The following FAM174B variants were observed in gnomAD, a reference collection of about 807,000 sequenced individuals.
FAM174B encodes membrane protein FAM174B.
A neutral mutation model predicts 10.9 loss-of-function variants in FAM174B; 12 were observed. The observed-to-expected ratio is 1.10, with a 90% CI of 0.71 to 1.79. The LOEUF (loss-of-function observed/expected upper bound fraction) is 1.79. FAM174B is among the 40% of genes most tolerant of loss of function. The probability of loss-of-function intolerance (pLI) is 0.00; values close to 1 mark genes in which losing one functional copy is unlikely to be tolerated. For missense variants in FAM174B, 266 were observed against 233.3 expected (o/e 1.14, Z -0.91); for synonymous variants, 132 against 115.8 (o/e 1.14, Z -0.90).
At chr15:92,636,750 G>T (rs576674590) in intron 1 of FAM174B, among the ~76,000 whole-genome samples, 1 of 152,162 alleles carries the variant, frequency 6.6e-6, no homozygotes, top group Non-Finnish European at 1.5e-5. Flanking sequence ...CCAACAGGTC[G>T]CCTTGAGTCA....
chr15:92,619,861 G>C (rs1451361437), intron 2 of FAM174B: 1 of 224,832 alleles, frequency 4.4e-6, no homozygotes, highest in African/African-American at 2.3e-5. Context: ...CTGTTGGGGT[G>C]GAACAGCAGC....
chr15:92,646,298 T>C (rs437661), intron 1 of FAM174B, among the ~76,000 whole-genome samples: 59,593 of 151,994 alleles, frequency 0.39, 12,573 homozygotes, highest in African/African-American at 0.55. Context: ...ACTACAAATC[T>C]CCTAGTCCTC....
Position 92,655,640 on chromosome 15 carries a change from G to T in FAM174B, c.20C>A (p.Pro7His). Reference sequence around the variant, plus strand: ...CAGCAGCAGCGGCAGGAGCGGGGCGGGCAGCGGCACGGCGCGCATAGTGCG... The same window carrying T: ...CAGCAGCAGCGGCAGGAGCGGGGCGTGCAGCGGCACGGCGCGCATAGTGCG... MRAVPL[P>H]APLLPLLLLA... Residue 7 changes from proline (P) to histidine (H), a missense_variant, in exon 1 of 3, where the codon CCC (proline) becomes CAC (histidine). Coordinates refer to ENST00000327355, the MANE Select transcript of FAM174B (RefSeq NM_207446.3). 1 of 1,256,244 alleles carries T rather than the reference G, an allele frequency of 8.0e-7. No homozygotes were observed. 77.8% of individuals were successfully genotyped at this position (1,256,244 alleles called of 1,614,324 possible).
At chr15:92,649,813 C>G (rs528805067) in intron 1 of FAM174B, among the ~76,000 whole-genome samples, 16 of 152,330 alleles carry the variant, frequency 1.1e-4, no homozygotes, top group African/African-American at 3.6e-4. Context: ...TCTCTACTCT[C>G]TTTTTTAAAG....
At chr15:92,652,175 A>C (rs1296595701) in intron 1 of FAM174B, among the ~76,000 whole-genome samples, 2 of 152,226 alleles carry the variant, frequency 1.3e-5, no homozygotes, top group African/African-American at 4.8e-5. Flanking sequence ...TATTAGGGAA[A>C]CACAGAAGAT....
At chr15:92,637,309 C>T (rs370369090) in intron 1 of FAM174B, among the ~76,000 whole-genome samples, 4 of 152,184 alleles carry the variant, frequency 2.6e-5, no homozygotes, top group Non-Finnish European at 5.9e-5. Flanking sequence ...CATCTAGAAA[C>T]AGAAAGTAAA....
At chr15:92,649,785 C>T (rs921423997) in intron 1 of FAM174B, among the ~76,000 whole-genome samples, 55 of 152,316 alleles carry the variant, frequency 3.6e-4, no homozygotes, top group East Asian at 3.9e-4. Flanking sequence ...CACCAGGAGG[C>T]AAAATCCTTC....
chr15:92,635,135 TC>T (rs1158029072), intron 1 of FAM174B, among the ~76,000 whole-genome samples: 2 of 133,004 alleles, frequency 1.5e-5, no homozygotes, highest in Non-Finnish European at 3.2e-5. Context: ...TCTCTCTCTC[TC>T]CTCTCTTTCG....
rs1225134872 is a variant in FAM174B, at chr15:92,620,857, T to C, written c.477-1398A>G. 2.9e-5 allele frequency among the ~76,000 whole-genome samples: 4 copies of C among 139,158 alleles called. No individual in the cohort carries two copies. The East Asian group carries it at 9.0e-4, about 31-fold the overall frequency. 91.3% of individuals were successfully genotyped at this position (139,158 alleles called of 152,430 possible). Reference sequence around the variant, plus strand: ...AAAAAAACTGACTCTGCTCAAGACATCATCTAAAGGGACTTAGAAAAGGAG... The same window carrying C: ...AAAAAAACTGACTCTGCTCAAGACACCATCTAAAGGGACTTAGAAAAGGAG... On this transcript the variant is annotated intron_variant, in intron 2 of 2. Transcript: ENST00000327355.
rs1388448441 is a variant in FAM174B, at chr15:92,620,772, G to A, written c.477-1313C>T. The stretch of plus-strand genomic sequence containing the variant: ...AGAGGTTGCAGTGAGCTGAGATGGC[G>A]CCACTGCACTCCAGCCTGGATGACA... On this transcript the variant is annotated intron_variant, in intron 2 of 2. Transcript: ENST00000327355. 7.6e-5 allele frequency among the ~76,000 whole-genome samples: 9 copies of A among 119,138 alleles called. 1 individual carries two copies. The highest frequency in any genetic ancestry group is 0.014 in the Middle Eastern group (2 of 142). 78.2% of individuals were successfully genotyped at this position (119,138 alleles called of 152,430 possible). A position where few individuals can be genotyped will look rare whatever the true frequency, so the allele number is the denominator to read the frequency against.
intron 1 of FAM174B, among the ~76,000 whole-genome samples, chr15:92,642,871 T>C (rs1020027275): frequency 2.0e-5 from 3 of 152,136 alleles, no homozygotes; most frequent in Admixed American, 6.5e-5. Context: ...AAATGACACA[T>C]GCCACACATA....
chr15:92,635,457 G>A (rs2050849366), intron 1 of FAM174B, among the ~76,000 whole-genome samples: 2 of 152,094 alleles, frequency 1.3e-5, no homozygotes, highest in African/African-American at 4.8e-5. Context: ...GTGGTGCACC[G>A]GCTGTGTTGA....
At chr15:92,626,729 A>G (rs572447048) in intron 2 of FAM174B, among the ~76,000 whole-genome samples, 1 of 152,268 alleles carries the variant, frequency 6.6e-6, no homozygotes, top group South Asian at 2.1e-4. Context: ...AAGGTGCTTC[A>G]GGGAGCTAAC....
chr15:92,643,656 C>G (rs1272569140), intron 1 of FAM174B, among the ~76,000 whole-genome samples: 1 of 152,168 alleles, frequency 6.6e-6, no homozygotes. Flanking sequence ...GGAGACCCTT[C>G]TCCCAGGGCC....
At chr15:92,624,210 T>A (rs542111678) in intron 2 of FAM174B, among the ~76,000 whole-genome samples, 6 of 152,322 alleles carry the variant, frequency 3.9e-5, no homozygotes, top group Non-Finnish European at 7.3e-5. Flanking sequence ...TTCACACTGG[T>A]CTGGGGATGG....
chr15:92,621,546 G>C (rs796340014), intron 2 of FAM174B, among the ~76,000 whole-genome samples: 59 of 151,530 alleles, frequency 3.9e-4, no homozygotes, highest in African/African-American at 1.4e-3. Flanking sequence ...GGGAAGTTGA[G>C]GCTACATTGA....
At chr15:92,631,852 A>G (rs986443703) in intron 1 of FAM174B, among the ~76,000 whole-genome samples, 1 of 151,936 alleles carries the variant, frequency 6.6e-6, no homozygotes, top group African/African-American at 2.4e-5. Flanking sequence ...AGCCCCAAAG[A>G]TCAAGATGTC....
chr15:92,651,986 C>A (rs2050969447), intron 1 of FAM174B, among the ~76,000 whole-genome samples: 1 of 152,212 alleles, frequency 6.6e-6, no homozygotes. Flanking sequence ...ATCATACTTA[C>A]TACACTCTCC....
In FAM174B at chr15:92,655,467, T is replaced by C. The variant is rs764264821; in HGVS notation, c.193A>G (p.Ser65Gly). The change falls in exon 1 of 3, where the codon AGC becomes GGC. Residue 65 changes from serine to glycine, a missense_variant. Ser to Gly is a moderately conservative substitution (Grantham distance 56). Coordinates refer to ENST00000327355, the MANE Select transcript of FAM174B (RefSeq NM_207446.3). ...TRFGSGAAGG[S>G]GSSSSNSSGD... ...CTGCTGTTGGAGCTGGAGCTGCCGCTGCCGCCCGCCGCCCCAGACCCAAAC... is the reference window on the plus strand; with the variant it reads ...CTGCTGTTGGAGCTGGAGCTGCCGCCGCCGCCCGCCGCCCCAGACCCAAAC... The C allele has an allele frequency of 3.2e-6, 5 of 1,556,512 alleles. No individual in the cohort carries two copies. Among genetic ancestry groups the C allele is most frequent in the South Asian group, 2.4e-5 (2 of 84,144 alleles).
Sources: allele counts gnomAD v4.1 joint callset (sites outside exome capture counted in the v4.1 genomes callset), GRCh38; gene constraint gnomAD v4.1.1; transcripts MANE v1.5; gene names NCBI Gene and HGNC (gene_info 2026-07-23, HGNC 2026-07-21).